The following UCKL1 variants were observed in gnomAD, a reference collection of about 807,000 sequenced individuals.
UCKL1 encodes the protein uridine-cytidine kinase-like 1.
UCKL1 carries 65 observed loss-of-function variants against 59.2 expected under a neutral mutation model. The ratio of observed to expected loss-of-function variants is 1.10; its 90% CI spans 0.90 to 1.35. UCKL1 has a LOEUF of 1.35. Among genes scored for constraint, UCKL1 ranks in the 40% most tolerant of loss-of-function variants. The probability of loss-of-function intolerance (pLI) is 0.00; values close to 1 mark genes in which losing one functional copy is unlikely to be tolerated. For missense variants in UCKL1, 703 were observed against 784.3 expected (o/e 0.90, Z 1.24); for synonymous variants, 410 against 323.1 (o/e 1.27, Z -2.88).
intron 1 of UCKL1, chr20:63,955,529 G>T (rs1208267725): frequency 6.6e-6 from 1 of 152,276 alleles, no homozygotes; most frequent in African/African-American, 2.4e-5. Flanking sequence ...ACCCAGGCAA[G>T]AGGCGCCTGA....
chr20:63,947,080 C>CAA (rs769813935), intron 1 of UCKL1, among the ~76,000 whole-genome samples: 2 of 140,342 alleles, frequency 1.4e-5, no homozygotes, highest in Admixed American at 7.1e-5. Flanking sequence ...GACTCCACCT[C>CAA]AAAAAAAAAA....
chr20:63,944,657 C>A lies in UCKL1; in HGVS notation c.732G>T (p.Glu244Asp). ...LVRRLRRDIS[E>D]RGRDIEGVIK... ...TGACACCCTCGATGTCCCGGCCGCG[C>A]TCACTGATGTCCCGGCGCAGCCGCC... is the stretch of plus-strand genomic sequence containing the variant. Residue 244 changes from glutamate to aspartate, a missense_variant, in exon 6 of 15, where the codon GAG becomes GAT. Physicochemically the swap from Glu to Asp is conservative, Grantham distance 45. Coordinates refer to ENST00000354216, the MANE Select transcript of UCKL1 (RefSeq NM_017859.4). 1 of 1,612,876 alleles carries A rather than the reference C, an allele frequency of 6.2e-7. No homozygotes were observed. The highest frequency in any genetic ancestry group is 8.5e-7 in the Non-Finnish European group (1 of 1,179,958).
Position 63,944,822 on chromosome 20 carries a change from G to A in UCKL1, c.655-88C>T, listed in dbSNP as rs1411074933. The A allele has an allele frequency of 2.0e-6, 3 of 1,509,794 alleles. No individual in the cohort carries two copies. The African/African-American group carries it at 4.1e-5, about 21-fold the overall frequency. The allele number at this position is 1,509,794 out of a possible 1,614,324, so 93.5% of individuals were successfully genotyped here. ...CCAGCCCCTGCACTGAGGCCGCCTG[G>A]TCCGTGGGCCTGGCCAGAGCCACTT... On this transcript the variant is annotated intron_variant, in intron 5 of 14. Transcript: ENST00000354216.
rs777617211 is a variant in UCKL1, at chr20:63,944,472, G to T, written c.845-14C>A. 5 of 1,577,154 alleles carry T rather than the reference G, an allele frequency of 3.2e-6. No homozygotes were observed. Among genetic ancestry groups the T allele is most frequent in the Admixed American group, 3.6e-5 (2 of 55,436 alleles). ...TGTTGCCGCTCCCTGGGGCGGGATG[G>T]GGGGGCGGGTGACCGGGGGCTGGGC... On this transcript the variant is annotated splice_polypyrimidine_tract_variant and intron_variant, in intron 6 of 14. Transcript: ENST00000354216.
At chr20:63,945,570 G>T in intron 5 of UCKL1, 81 bp downstream of exon 5, 1 of 1,450,300 alleles carries the variant, frequency 6.9e-7, no homozygotes, top group Non-Finnish European at 9.6e-7. Flanking sequence ...CTTGGGGACA[G>T]GGCAGGAGGA....
chr20:63,952,729 G>A (rs537866036), intron 1 of UCKL1, among the ~76,000 whole-genome samples: 1 of 152,340 alleles, frequency 6.6e-6, no homozygotes, highest in Non-Finnish European at 1.5e-5. Flanking sequence ...GCTGGAGGCT[G>A]CCTCAGTCAC....
intron 1 of UCKL1, chr20:63,954,944 C>T (rs894777460): frequency 1.3e-5 from 2 of 152,276 alleles, no homozygotes; most frequent in Non-Finnish European, 2.9e-5. Context: ...TGCCCCACCT[C>T]GGGTTAAATC....
chr20:63,942,054 G>A (rs1321918433), intron 8 of UCKL1, among the ~76,000 whole-genome samples: 3 of 4,008 alleles, frequency 7.5e-4, no homozygotes, highest in Non-Finnish European at 1.1e-3. Flanking sequence ...GCGTGACAGC[G>A]GCAGGGAAAG....
intron 8 of UCKL1, among the ~76,000 whole-genome samples, chr20:63,943,431 G>A (rs920297711): frequency 2.6e-5 from 4 of 152,202 alleles, no homozygotes; most frequent in African/African-American, 7.2e-5. Context: ...CCAGGACAGG[G>A]TCAGGACTCC....
Position 63,941,295 on chromosome 20 carries a change from A to G in UCKL1, c.924-87T>C, listed in dbSNP as rs866447109. 24 of 1,454,006 alleles carry G rather than the reference A, an allele frequency of 1.7e-5. No homozygotes were observed. The African/African-American group carries it at 2.6e-4, about 16-fold the overall frequency. The allele number at this position is 1,454,006 out of a possible 1,614,324, so 90.1% of individuals were successfully genotyped here. On this transcript the variant is annotated intron_variant, in intron 8 of 14. Coordinates refer to ENST00000354216, the MANE Select transcript of UCKL1 (RefSeq NM_017859.4). ...CACAGGACGGCTGTGCGTCACTGTG[A>G]GGGGAACACACGGGCCAGGCACAGC...
rs1023398368 is a variant in UCKL1, at chr20:63,945,664, T to C, written c.641A>G (p.Lys214Arg). Reference sequence around the variant, plus strand: ...GCGGGTGCTTACCTCCAACAGTGTCTTGTCAGCAAAGGCCATGATGCCCTC... The same window carrying C: ...GCGGGTGCTTACCTCCAACAGTGTCCTGTCAGCAAAGGCCATGATGCCCTC... Reference protein sequence around the residue: ...IFEGIMAFADKTLLELLDMKI... With the variant: ...IFEGIMAFADRTLLELLDMKI... The change falls in exon 5 of 15, where the codon AAG (lysine) becomes AGG (arginine). Residue 214 changes from lysine (K) to arginine (R), a missense_variant. Lys to Arg is a conservative substitution (Grantham distance 26, BLOSUM62 2). Coordinates refer to ENST00000354216, the MANE Select transcript of UCKL1 (RefSeq NM_017859.4). The C allele has an allele frequency of 6.2e-7, 1 of 1,612,914 alleles. No individual in the cohort carries two copies. Among genetic ancestry groups the C allele is most frequent in the Non-Finnish European group, 8.5e-7 (1 of 1,179,890 alleles).
Position 63,946,727 on chromosome 20 carries a change from C to A in UCKL1, c.114-84G>T. ...TGGCATGGCCGGCCCACAGGGCACC[C>A]CCCCCACCCCCTCAACAGGCATGGC... is the stretch of plus-strand genomic sequence containing the variant. On this transcript the variant is annotated intron_variant, in intron 1 of 14. Coordinates refer to ENST00000354216, the MANE Select transcript of UCKL1 (RefSeq NM_017859.4). The A allele has an allele frequency of 2.8e-6, 4 of 1,410,790 alleles. No homozygotes were observed. In the South Asian group the frequency reaches 5.2e-5, roughly 18 times the overall value. 87.4% of individuals were successfully genotyped at this position (1,410,790 alleles called of 1,614,324 possible). A position where few individuals can be genotyped will look rare whatever the true frequency, so the allele number is the denominator to read the frequency against.
rs1024722049 is a variant in UCKL1 at position 63,950,896 on chromosome 20, C to T, written c.114-4253G>A. 10 of 1,421,476 alleles carry T rather than the reference C, an allele frequency of 7.0e-6. No individual in the cohort carries two copies. The African/African-American group carries it at 7.3e-5, about 10-fold the overall frequency. 88.1% of individuals were successfully genotyped at this position (1,421,476 alleles called of 1,614,324 possible). A position where few individuals can be genotyped will look rare whatever the true frequency, so the allele number is the denominator to read the frequency against. ...AGGGGTGGATGCGTGGGGGCTCAGG[C>T]GCAGGCAGCCGTGGGGGACATCACC... On this transcript the variant is annotated intron_variant, in intron 1 of 14. Transcript: ENST00000354216.
intron 5 of UCKL1, 31 bp downstream of exon 5, chr20:63,945,620 A>G (rs1179382946): frequency 5.0e-6 from 8 of 1,609,948 alleles, no homozygotes; most frequent in Non-Finnish European, 5.1e-6. Flanking sequence ...CTGAGATACC[A>G]GCGGGGTGGG....
At chr20:63,941,457 G>T (rs2054381908) in intron 8 of UCKL1, 2 of 567,154 alleles carry the variant, frequency 3.5e-6, no homozygotes, top group Non-Finnish European at 6.4e-6. Context: ...AAGCTAGCGG[G>T]GTAGGCTGTG....
Position 63,944,696 on chromosome 20 carries a change from G to A in UCKL1, c.693C>T (p.Asp231=), listed in dbSNP as rs143613048. Residue 231 remains aspartate, a synonymous_variant, in exon 6 of 15, where the codon GAC becomes GAT. Coordinates refer to ENST00000354216, the MANE Select transcript of UCKL1 (RefSeq NM_017859.4). ...DMKIFVDTDS[D]IRLVRRLRRD... ...GGCGCAGCCGCCGTACCAGGCGGAT[G>A]TCGGAGTCTGTGTCCACAAAGATCT... 26 of 1,612,820 alleles carry A rather than the reference G, an allele frequency of 1.6e-5. No individual in the cohort carries two copies. The African/African-American group carries it at 2.5e-4, about 16-fold the overall frequency.
chr20:63,942,518 G>A (rs2054866448), intron 8 of UCKL1: 4 of 1,166,930 alleles, frequency 3.4e-6, no homozygotes. Flanking sequence ...GCATGTTCAG[G>A]GAGGGAACAA....
Position 63,946,281 on chromosome 20 carries a change from T to C in UCKL1, c.305-14A>G. ...CGCCTCCCAAGCCTGCCGGCGGGAG[T>C]GGAGACCCTCTGTGAGGAACAGGCA... On this transcript the variant is annotated splice_polypyrimidine_tract_variant and intron_variant, in intron 2 of 14. Transcript: ENST00000354216. 6.4e-7 allele frequency: 1 copy of C among 1,574,238 alleles called. No individual in the cohort carries two copies.
intron 1 of UCKL1, among the ~76,000 whole-genome samples, chr20:63,946,983 C>T (rs1042085318): frequency 1.3e-5 from 2 of 151,986 alleles, no homozygotes; most frequent in Admixed American, 6.6e-5. Context: ...ACTAGGGAGG[C>T]TGAGGCAGGA....
Sources: allele counts gnomAD v4.1 joint callset (sites outside exome capture counted in the v4.1 genomes callset), GRCh38; gene constraint gnomAD v4.1.1; transcripts MANE v1.5; gene names NCBI Gene and HGNC (gene_info 2026-07-23, HGNC 2026-07-21).